Variants in NELL2 observed in about 807,000 individuals in gnomAD.
NELL2 encodes the protein neural EGFL like 2.
Under a neutral mutation model 109.6 loss-of-function variants are expected in NELL2, and 41 were observed. The observed-to-expected ratio is 0.37, with a 90% CI of 0.29 to 0.49. NELL2 has a LOEUF of 0.49. Ranked by LOEUF, NELL2 falls within the 20% of genes least tolerant of loss-of-function variation. The probability of loss-of-function intolerance (pLI) is 0.98; values close to 1 mark genes in which losing one functional copy is unlikely to be tolerated. For missense variants in NELL2, 900 were observed against 1,008.3 expected (o/e 0.89, Z 1.45); for synonymous variants, 355 against 344.7 (o/e 1.03, Z -0.33).
chr12:44,730,488 A>C (rs1182405330), intron 9 of NELL2, among the ~76,000 whole-genome samples: 1 of 152,192 alleles, frequency 6.6e-6, no homozygotes, highest in African/African-American at 2.4e-5. Context: ...TAGGAAAACT[A>C]GAAAATTCAC....
chr12:44,600,755 A>G (rs1209230223), intron 15 of NELL2, among the ~76,000 whole-genome samples: 1 of 152,232 alleles, frequency 6.6e-6, no homozygotes, highest in Non-Finnish European at 1.5e-5. Context: ...GGACTTATCT[A>G]TGGTATGATT....
chr12:44,807,296 A>G (rs1165344068), intron 3 of NELL2, among the ~76,000 whole-genome samples: 1 of 148,754 alleles, frequency 6.7e-6, no homozygotes, highest in Non-Finnish European at 1.5e-5. Flanking sequence ...ATTATATTTA[A>G]TAGGAATTTA....
chr12:44,607,296 T>C (rs1356368863), intron 14 of NELL2, 32 bp from the exon 15 acceptor site: 2 of 1,577,634 alleles, frequency 1.3e-6, no homozygotes, highest in East Asian at 4.5e-5. Flanking sequence ...ATTTTAGCAC[T>C]TTAGAAGTAA....
At chr12:44,755,617 G>A (rs1343224877) in intron 9 of NELL2, among the ~76,000 whole-genome samples, 1 of 152,034 alleles carries the variant, frequency 6.6e-6, no homozygotes, top group Non-Finnish European at 1.5e-5. Context: ...CTCTCAATCA[G>A]ACCTTTTACT....
intron 2 of NELL2, among the ~76,000 whole-genome samples, chr12:44,866,986 A>T (rs528013654): frequency 2.5e-4 from 38 of 152,288 alleles, no homozygotes; most frequent in Non-Finnish European, 5.3e-4. Context: ...TTGTAAGCAA[A>T]TTGAATCAAT....
chr12:44,775,045 T>C, intron 8 of NELL2, among the ~76,000 whole-genome samples, 196 bp from the exon 9 acceptor site: 1 of 152,130 alleles, frequency 6.6e-6, no homozygotes, highest in Non-Finnish European at 1.5e-5. Flanking sequence ...CGCAAGGAAT[T>C]TGATTCCTAA....
chr12:44,897,323 C>G (rs984103281), intron 1 of NELL2, among the ~76,000 whole-genome samples: 2 of 152,038 alleles, frequency 1.3e-5, no homozygotes, highest in African/African-American at 4.8e-5. Flanking sequence ...CTTGGACTCC[C>G]CCGTAAGATG....
At chr12:44,652,112 T>C (rs925288733) in intron 13 of NELL2, among the ~76,000 whole-genome samples, 1 of 152,166 alleles carries the variant, frequency 6.6e-6, no homozygotes, top group African/African-American at 2.4e-5. Flanking sequence ...GGCTCAGAAA[T>C]AGCCTTGCTG....
chr12:44,900,786 C>A (rs559430733), intron 1 of NELL2, among the ~76,000 whole-genome samples: 2 of 152,100 alleles, frequency 1.3e-5, no homozygotes, highest in South Asian at 4.2e-4. Flanking sequence ...GTCAAGAGAT[C>A]GAGACCTTCC....
intron 15 of NELL2, among the ~76,000 whole-genome samples, chr12:44,579,723 G>A (rs1944255659): frequency 6.6e-6 from 1 of 152,080 alleles, no homozygotes; most frequent in Non-Finnish European, 1.5e-5. Context: ...TAAATCAATA[G>A]GGTCAGTTAT....
chr12:44,553,306 T>C (rs1284803307), intron 15 of NELL2, among the ~76,000 whole-genome samples: 1 of 150,572 alleles, frequency 6.6e-6, no homozygotes, highest in Non-Finnish European at 1.5e-5. Context: ...AAAATAAGTC[T>C]CTTCACCTCT....
chr12:44,780,799 T>A (rs983822087), intron 3 of NELL2, among the ~76,000 whole-genome samples: 1 of 151,782 alleles, frequency 6.6e-6, no homozygotes, highest in African/African-American at 2.4e-5. Flanking sequence ...TTCCCCCAAC[T>A]CAGAAATAAA....
intron 13 of NELL2, among the ~76,000 whole-genome samples, chr12:44,662,666 G>T (rs1947786110): frequency 6.6e-6 from 1 of 152,184 alleles, no homozygotes; most frequent in Non-Finnish European, 1.5e-5. Context: ...GAGTTACTAG[G>T]TTAAACAAAT....
rs1940473050 is a variant in NELL2 at position 44,748,019 on chromosome 12, C to T, written c.994+26728G>A. Among the ~76,000 whole-genome samples, 6 of 152,212 alleles carry T rather than the reference C, an allele frequency of 3.9e-5. No homozygotes were observed. The South Asian group carries it at 1.2e-3, about 32-fold the overall frequency. On this transcript the variant is annotated intron_variant, in intron 9 of 19. Transcript: ENST00000429094. ...GCTTTTAATCAATACATCATACTGT[C>T]CCTTATCTGACTCTCACTTGTATCA...
At chr12:44,844,275 T>C (rs1382164232) in intron 2 of NELL2, among the ~76,000 whole-genome samples, 1 of 152,058 alleles carries the variant, frequency 6.6e-6, no homozygotes, top group African/African-American at 2.4e-5. Flanking sequence ...CAATAGCAAA[T>C]TGGAAACACT....
At chr12:44,684,566 T>C (rs1440059394) in intron 12 of NELL2, among the ~76,000 whole-genome samples, 1 of 152,220 alleles carries the variant, frequency 6.6e-6, no homozygotes, top group Non-Finnish European at 1.5e-5. Context: ...GTGTTATAAA[T>C]TTCCCTCTAC....
intron 9 of NELL2, among the ~76,000 whole-genome samples, chr12:44,748,513 T>C (rs1940500382): frequency 6.6e-6 from 1 of 152,186 alleles, no homozygotes; most frequent in African/African-American, 2.4e-5. Flanking sequence ...CTAATTATTA[T>C]TCATGCAAAT....
intron 1 of NELL2, among the ~76,000 whole-genome samples, chr12:44,892,797 C>CAAA (rs57230571): frequency 1.1e-3 from 65 of 57,506 alleles, no homozygotes; most frequent in East Asian, 2.1e-3. Context: ...GACTCTGTCT[C>CAAA]AAAAAAAAAA....
chr12:44,606,599 TG>T (rs2096888045), intron 15 of NELL2, among the ~76,000 whole-genome samples: 1 of 152,294 alleles, frequency 6.6e-6, no homozygotes, highest in African/African-American at 2.4e-5. Context: ...GACTATATAT[TG>T]TTTTTAAAAT....
Sources: allele counts gnomAD v4.1 joint callset (sites outside exome capture counted in the v4.1 genomes callset), GRCh38; gene constraint gnomAD v4.1.1; transcripts MANE v1.5; gene names NCBI Gene and HGNC (gene_info 2026-07-23, HGNC 2026-07-21).